PCNT: variants seen among roughly 807,000 people sequenced by gnomAD.
PCNT encodes kendrin.
PCNT carries 319 observed loss-of-function variants against 380.4 expected under a neutral mutation model. The ratio of observed to expected loss-of-function variants is 0.84; its 90% CI spans 0.77 to 0.92. The LOEUF is 0.92. PCNT is among the 40% of genes least tolerant of loss of function. The pLI, the probability that PCNT is intolerant of heterozygous loss-of-function variation, is 0.00. For synonymous variants in PCNT, 1,845 were observed against 1,735.2 expected, an observed-to-expected ratio of 1.06 and a Z score of -1.57; for missense variants, 4,400 against 4,255.3, an observed-to-expected ratio of 1.03 and a Z score of -0.95.
chr21:46,325,302 C>T (rs2083342748), intron 1 of PCNT: 2 of 728,294 alleles, frequency 2.7e-6, no homozygotes, highest in Admixed American at 6.3e-5. Context: ...CGGGGCTAGG[C>T]CGGGGAAGGG....
chr21:46,415,281 G>A (rs747762295), intron 29 of PCNT, among the ~76,000 whole-genome samples: 45 of 152,100 alleles, frequency 3.0e-4, no homozygotes, highest in Non-Finnish European at 5.4e-4. Flanking sequence ...ATGTGCTCTC[G>A]GGAAATACAT....
intron 41 of PCNT, among the ~76,000 whole-genome samples, chr21:46,439,147 G>A (rs970835222): frequency 6.6e-6 from 1 of 151,238 alleles, no homozygotes; most frequent in Non-Finnish European, 1.5e-5. Flanking sequence ...CTGGTGTAGT[G>A]TCATACAAGT....
chr21:46,347,614 C>T, intron 6 of PCNT, 102 bp downstream of exon 6: 1 of 1,044,116 alleles, frequency 9.6e-7, no homozygotes, highest in Non-Finnish European at 1.5e-6. Flanking sequence ...AGACAGAAGC[C>T]AGTCGAGGCT....
At chr21:46,405,457 G>C (rs2086595463) in intron 27 of PCNT, among the ~76,000 whole-genome samples, 1 of 152,204 alleles carries the variant, frequency 6.6e-6, no homozygotes, top group African/African-American at 2.4e-5. Context: ...CAGCACTTTG[G>C]GAGGCCCAGG....
chr21:46,326,625 T>C (rs372069329), intron 2 of PCNT, 36 bp downstream of exon 2: 216 of 1,583,388 alleles, frequency 1.4e-4, no homozygotes, highest in Admixed American at 6.5e-4. Flanking sequence ...AACATTTCGC[T>C]TATCTTCTAG....
Position 46,440,130 on chromosome 21 carries a change from T to C in PCNT, c.9321T>C (p.Ser3107=). The C allele has an allele frequency of 1.2e-6, 2 of 1,613,696 alleles. No individual in the cohort carries two copies. Among genetic ancestry groups the C allele is most frequent in the Non-Finnish European group, 1.7e-6 (2 of 1,179,862 alleles). The change falls in exon 42 of 47, where the codon AGT becomes AGC. Residue 3107 remains serine, a synonymous_variant. Transcript: ENST00000359568. ...AWKPDETAPQ[S]SLRRPDPGRL... is the part of the protein sequence containing the mutation. ...AGCCAGACGAAACGGCTCCACAGAG[T>C]TCCCTGAGGCGCCCAGACCCCGGCC...
At chr21:46,408,467 G>T (rs1426980563) in intron 27 of PCNT, among the ~76,000 whole-genome samples, 3 of 152,156 alleles carry the variant, frequency 2.0e-5, no homozygotes, top group Admixed American at 2.0e-4. Context: ...AACCTTAAAA[G>T]AAACTGTCAA....
In PCNT at chr21:46,325,172, C is replaced by T. The variant is rs909091745; in HGVS notation, c.54+890C>T. On this transcript the variant is annotated intron_variant, in intron 1 of 46. Transcript: ENST00000359568. ...GGCAGGAGAAAGGGAGTCCCGAAAG[C>T]GCGAGGCGGAACCGCGGGAGCAGGC... The T allele has an allele frequency of 3.2e-5, 32 of 985,774 alleles. No individual in the cohort carries two copies. In the African/African-American group the frequency reaches 5.6e-4, roughly 17 times the overall value. The allele number at this position is 985,774 out of a possible 1,614,324, so 61.1% of individuals were successfully genotyped here. A position where few individuals can be genotyped will look rare whatever the true frequency, so the allele number is the denominator to read the frequency against.
At chr21:46,358,071 G>A (rs2146743692) in intron 13 of PCNT, among the ~76,000 whole-genome samples, 1 of 152,218 alleles carries the variant, frequency 6.6e-6, no homozygotes, top group East Asian at 1.9e-4. Context: ...TGAGCCGACA[G>A]GGCAGCTCAG....
At chr21:46,420,460 C>T (rs959062288) in intron 31 of PCNT, 1 of 152,200 alleles carries the variant, frequency 6.6e-6, no homozygotes, top group Non-Finnish European at 1.5e-5. Flanking sequence ...TTCCTCTCTC[C>T]TTTAGCTTTA....
Position 46,401,684 on chromosome 21 carries a change from A to C in PCNT, c.4925A>C (p.Glu1642Ala), listed in dbSNP as rs1259166818. 4.3e-6 allele frequency: 7 copies of C among 1,613,800 alleles called. No homozygotes were observed. Among genetic ancestry groups the C allele is most frequent in the Non-Finnish European group, 5.9e-6 (7 of 1,179,972 alleles). The change falls in exon 26 of 47, where the codon GAG (glutamate) becomes GCG (alanine). Residue 1642 changes from glutamate to alanine, a missense_variant. Physicochemically the swap from Glu to Ala is moderately radical, Grantham distance 107. Transcript: ENST00000359568. ...SPPEGPEIQL[E>A]VTQRALLRRE... ...CCTGAGGGTCCAGAAATACAGTTAGAGGTGACACAGAGAGCACTCCTGCGG... is the reference window on the plus strand; with the variant it reads ...CCTGAGGGTCCAGAAATACAGTTAGCGGTGACACAGAGAGCACTCCTGCGG...
chr21:46,376,442 C>T (rs981033385), intron 15 of PCNT, among the ~76,000 whole-genome samples: 11 of 152,210 alleles, frequency 7.2e-5, no homozygotes, highest in African/African-American at 2.4e-4. Flanking sequence ...CACAGGCTGA[C>T]GCTGTGGATG....
chr21:46,379,599 A>G (rs2877143), intron 15 of PCNT, among the ~76,000 whole-genome samples: 49,139 of 151,884 alleles, frequency 0.32, 8,522 homozygotes, highest in East Asian at 0.45. Context: ...AGGGTGCCCC[A>G]CAGGCCTTGG....
chr21:46,413,475 A>G (rs1193261655), intron 29 of PCNT, among the ~76,000 whole-genome samples: 3 of 152,214 alleles, frequency 2.0e-5, no homozygotes, highest in Non-Finnish European at 4.4e-5. Context: ...GCCTGCAGTG[A>G]CATGTTCTCT....
intron 5 of PCNT, 145 bp downstream of exon 5, chr21:46,347,143 C>T: frequency 2.8e-6 from 3 of 1,080,028 alleles, no homozygotes; most frequent in Non-Finnish European, 4.0e-6. Context: ...TGTCTGGCAC[C>T]ATGAGAGGGG....
chr21:46,403,924 C>A (rs55917658), intron 27 of PCNT, among the ~76,000 whole-genome samples: 1 of 136,898 alleles, frequency 7.3e-6, no homozygotes. Context: ...GTGGTGCCCA[C>A]GCGGCGCGTG....
intron 20 of PCNT, 148 bp from the exon 21 acceptor site, chr21:46,391,016 T>C (rs2086012427): frequency 1.9e-6 from 2 of 1,049,626 alleles, no homozygotes; most frequent in East Asian, 2.6e-5. Context: ...CCAGCAGGGC[T>C]GTTGGAGGCC....
intron 8 of PCNT, 147 bp from the exon 9 acceptor site, chr21:46,351,282 T>C (rs2084258024): frequency 4.3e-6 from 3 of 703,962 alleles, no homozygotes; most frequent in East Asian, 5.3e-5. Flanking sequence ...CGGTCTCTGC[T>C]GTGGCTGGCT....
intron 29 of PCNT, among the ~76,000 whole-genome samples, chr21:46,413,360 AG>A (rs5844267): frequency 0.9 from 72,833 of 81,376 alleles, 32,751 homozygotes; most frequent in East Asian, 0.95. Flanking sequence ...AGGTGTGGGG[AG>A]GGGGGAAGGC....
Sources: gnomAD v4.1 joint callset for allele counts (sites outside exome capture counted in the v4.1 genomes callset) on GRCh38, gnomAD v4.1.1 for gene constraint, MANE v1.5 for transcripts, NCBI Gene and HGNC (gene_info 2026-07-23, HGNC 2026-07-21) for gene names.